ZNF532: variants seen among roughly 807,000 people sequenced by gnomAD.
The protein encoded by ZNF532 is zinc finger protein 532.
In ZNF532, 22 loss-of-function variants were observed where a neutral mutation model predicts 89.3. That is an observed-to-expected ratio of 0.25 (90% CI 0.18 to 0.35). ZNF532 has a LOEUF of 0.35. ZNF532 is among the 10% of genes least tolerant of loss of function. The pLI, the probability that ZNF532 is intolerant of heterozygous loss-of-function variation, is 1.00. For missense variants in ZNF532, 1,132 were observed against 1,643.4 expected, an observed-to-expected ratio of 0.69 and a Z score of 5.38; for synonymous variants, 606 against 649.6, an observed-to-expected ratio of 0.93 and a Z score of 1.02.
At chr18:58,901,884 G>T (rs2059625880) in intron 2 of ZNF532, among the ~76,000 whole-genome samples, 1 of 152,154 alleles carries the variant, frequency 6.6e-6, no homozygotes, top group East Asian at 1.9e-4. Flanking sequence ...TGGTCGCCTG[G>T]CCAGTGGGTG....
chr18:58,910,270 C>T (rs2060198641), intron 2 of ZNF532, among the ~76,000 whole-genome samples: 1 of 152,120 alleles, frequency 6.6e-6, no homozygotes, highest in Non-Finnish European at 1.5e-5. Flanking sequence ...GGTCCTTTTT[C>T]ATTAGCCTTA....
chr18:58,966,324 G>C (rs2065909422), intron 7 of ZNF532, among the ~76,000 whole-genome samples: 1 of 152,076 alleles, frequency 6.6e-6, no homozygotes, highest in African/African-American at 2.4e-5. Flanking sequence ...TTTACTTTGG[G>C]AATTATCTTT....
At chr18:58,873,908 T>C (rs1425123804) in intron 2 of ZNF532, among the ~76,000 whole-genome samples, 3 of 152,224 alleles carry the variant, frequency 2.0e-5, no homozygotes, top group African/African-American at 7.2e-5. Flanking sequence ...TTTTGCCACT[T>C]ACTAGCTGCG....
intron 2 of ZNF532, among the ~76,000 whole-genome samples, chr18:58,869,762 G>GTTTTTTTTTT (rs59118998): frequency 9.0e-6 from 1 of 111,490 alleles, no homozygotes. Context: ...TGGAAGATCT[G>GTTTTTTTTTT]TTTTTTTTTT....
chr18:58,983,281 G>T (rs1384201814), intron 9 of ZNF532, among the ~76,000 whole-genome samples: 1 of 152,138 alleles, frequency 6.6e-6, no homozygotes, highest in African/African-American at 2.4e-5. Context: ...CGCAGTAGGG[G>T]AAATGGTGTG....
At chr18:58,961,088 G>A (rs995299961) in intron 7 of ZNF532, among the ~76,000 whole-genome samples, 7 of 152,202 alleles carry the variant, frequency 4.6e-5, no homozygotes, top group South Asian at 2.1e-4. Context: ...TCTAGCTGGC[G>A]GTTCCCAAGA....
intron 7 of ZNF532, among the ~76,000 whole-genome samples, chr18:58,965,406 G>C (rs1261691629): frequency 6.6e-6 from 1 of 152,242 alleles, no homozygotes; most frequent in Non-Finnish European, 1.5e-5. Flanking sequence ...GGGTTTTGCA[G>C]CCTGCCAGAG....
Position 58,911,150 on chromosome 18 carries a change from G to A in ZNF532, c.-17-7121G>A, listed in dbSNP as rs371999109. ...AGTACTGGAGAACTTGAGCCATGAA[G>A]GCTGCGTGGCAAGAGGACAGAGCAC... On this transcript the variant is annotated intron_variant, in intron 2 of 9. Coordinates refer to ENST00000591808, the MANE Select transcript of ZNF532 (RefSeq NM_001375912.1). Among the ~76,000 whole-genome samples, 46 of 152,338 alleles carry A rather than the reference G, an allele frequency of 3.0e-4. 1 individual carries two copies. Among genetic ancestry groups the A allele is most frequent in the African/African-American group, 1.1e-3 (44 of 41,580 alleles).
chr18:58,958,993 C>T (rs1461479073), intron 7 of ZNF532, among the ~76,000 whole-genome samples: 1 of 152,074 alleles, frequency 6.6e-6, no homozygotes, highest in African/African-American at 2.4e-5. Flanking sequence ...TGAGGTCATT[C>T]TTAGAGATCA....
Position 58,985,709 on chromosome 18 carries a change from GT to G in ZNF532, c.*1247del, listed in dbSNP as rs1300266729. On this transcript the variant is annotated 3_prime_UTR_variant, in exon 10 of 10. Coordinates refer to ENST00000591808, the MANE Select transcript of ZNF532 (RefSeq NM_001375912.1). The stretch of plus-strand genomic sequence containing the variant: ...TGAGAGAGTTCTATTTTTTGGTTTT[GT>G]TTTGTGTTTTCTTTTGCATTTTGTA... 1.4e-5 allele frequency: 2 copies of G among 140,656 alleles called. No individual in the cohort carries two copies. The highest frequency in any genetic ancestry group is 4.8e-4 in the South Asian group (2 of 4,184). The allele number at this position is 140,656 out of a possible 1,614,324, so 8.7% of individuals were successfully genotyped here.
intron 9 of ZNF532, among the ~76,000 whole-genome samples, 162 bp from the exon 10 acceptor site, chr18:58,983,810 A>G (rs139854930): frequency 1.3e-5 from 2 of 152,128 alleles, no homozygotes; most frequent in East Asian, 1.9e-4. Flanking sequence ...GAAGAAAGGC[A>G]TGGGCCTCCG....
At position 58,919,845 on chromosome 18, in the gene ZNF532, A is replaced by C; in HGVS notation, c.1558A>C (p.Lys520Gln). 6.2e-7 allele frequency: 1 copy of C among 1,613,998 alleles called. No homozygotes were observed. The highest frequency in any genetic ancestry group is 8.5e-7 in the Non-Finnish European group (1 of 1,179,870). The change falls in exon 3 of 10, where the codon AAG becomes CAG. Residue 520 changes from lysine (K) to glutamine (Q), a missense_variant. Coordinates refer to ENST00000591808, the MANE Select transcript of ZNF532 (RefSeq NM_001375912.1). The surrounding 1 kb of genome is among the most constrained non-coding windows in gnomAD (Gnocchi z 6.1). Reference sequence around the variant, plus strand: ...CCTGGCCAATGCCAAACTCGTGCCAAAGACTGTGCACCTTGCCAACCTTAA... The same window carrying C: ...CCTGGCCAATGCCAAACTCGTGCCACAGACTGTGCACCTTGCCAACCTTAA... ...SSLANAKLVPKTVHLANLNLL... is the reference protein window; with the variant it reads ...SSLANAKLVPQTVHLANLNLL...
At chr18:58,874,824 C>G (rs1280335884) in intron 2 of ZNF532, among the ~76,000 whole-genome samples, 1 of 152,172 alleles carries the variant, frequency 6.6e-6, no homozygotes, top group African/African-American at 2.4e-5. Context: ...ACCCTTTCCC[C>G]CGGCACTTCG....
chr18:58,970,428 G>C (rs1603322817), intron 7 of ZNF532, among the ~76,000 whole-genome samples: 3 of 152,296 alleles, frequency 2.0e-5, no homozygotes, highest in East Asian at 1.9e-4. Flanking sequence ...TGGGAACCAG[G>C]GAGGCTTCAA....
intron 2 of ZNF532, among the ~76,000 whole-genome samples, chr18:58,909,959 C>T (rs2060180705): frequency 6.6e-6 from 1 of 152,100 alleles, no homozygotes; most frequent in African/African-American, 2.4e-5. Context: ...AAAGTTTTGG[C>T]TGGGTACAGT....
At chr18:58,869,018 G>A (rs752392101) in intron 2 of ZNF532, among the ~76,000 whole-genome samples, 5 of 152,092 alleles carry the variant, frequency 3.3e-5, no homozygotes, top group African/African-American at 4.8e-5. Context: ...TAATACAGTG[G>A]TAACTATTTG....
chr18:58,886,843 A>T (rs531528677), intron 2 of ZNF532, among the ~76,000 whole-genome samples: 42 of 152,332 alleles, frequency 2.8e-4, no homozygotes, highest in African/African-American at 9.4e-4. Context: ...AGGAATAACT[A>T]GGGGAAGAGT....
In ZNF532 at chr18:58,875,778, C is replaced by T. The variant is rs1025104297; in HGVS notation, c.-18+10199C>T. ...ACCCTAGATTTGAACCAGGGTCTGG[C>T]CAGCTTTGAAATTCTTTTCTGTTTC... On this transcript the variant is annotated intron_variant, in intron 2 of 9. Transcript: ENST00000591808. Among the ~76,000 whole-genome samples the T allele has an allele frequency of 3.3e-5, 5 of 152,234 alleles. No homozygotes were observed. The South Asian group carries it at 1.0e-3, about 32-fold the overall frequency.
At chr18:58,942,337 C>CCCTTCCTT (rs1432922096) in intron 5 of ZNF532, among the ~76,000 whole-genome samples, 1 of 63,386 alleles carries the variant, frequency 1.6e-5, no homozygotes, top group African/African-American at 6.6e-5. Context: ...CTCCCTCCCT[C>CCCTTCCTT]CCTCCCTCCC....
Sources: allele counts gnomAD v4.1 joint callset (sites outside exome capture counted in the v4.1 genomes callset), GRCh38; gene constraint gnomAD v4.1.1; non-coding constraint Gnocchi (gnomAD v3.1); transcripts MANE v1.5; gene names NCBI Gene and HGNC (gene_info 2026-07-23, HGNC 2026-07-21).